Variants in CDH18 observed in about 807,000 individuals in gnomAD.
CDH18 encodes the protein cadherin-18.
A neutral mutation model predicts 67.9 loss-of-function variants in CDH18; 31 were observed. The observed-to-expected ratio is 0.46, with a 90% CI of 0.34 to 0.62. CDH18 has a LOEUF of 0.62. Among genes scored for constraint, CDH18 ranks in the 20% least tolerant of loss-of-function variants. The pLI, the probability that CDH18 is intolerant of heterozygous loss-of-function variation, is 0.01. For synonymous variants in CDH18, 362 were observed against 347.2 expected, an observed-to-expected ratio of 1.04 and a Z score of -0.48; for missense variants, 890 against 975.5, an observed-to-expected ratio of 0.91 and a Z score of 1.17.
intron 2 of CDH18, among the ~76,000 whole-genome samples, chr5:20,053,123 G>T (rs1741579900): frequency 6.6e-6 from 1 of 151,682 alleles, no homozygotes; most frequent in Non-Finnish European, 1.5e-5. Context: ...TCAGATCAGG[G>T]TTTAAGACCC....
At chr5:20,486,918 C>T (rs1258192463) in intron 1 of CDH18, among the ~76,000 whole-genome samples, 2 of 152,116 alleles carry the variant, frequency 1.3e-5, no homozygotes, top group African/African-American at 4.8e-5. Flanking sequence ...GATGTCTCAA[C>T]ATGAAAACTG....
intron 3 of CDH18, among the ~76,000 whole-genome samples, chr5:19,759,860 G>T (rs1372106375): frequency 6.6e-6 from 1 of 152,090 alleles, no homozygotes; most frequent in East Asian, 1.9e-4. Flanking sequence ...CACTCCAGGG[G>T]TTCTGGGTCT....
At chr5:19,938,894 T>G (rs1231828896) in intron 2 of CDH18, among the ~76,000 whole-genome samples, 1 of 151,218 alleles carries the variant, frequency 6.6e-6, no homozygotes, top group Non-Finnish European at 1.5e-5. Flanking sequence ...TAAAATAAGT[T>G]TATAGACAAA....
At chr5:20,570,497 T>G (rs1410740254) in intron 1 of CDH18, among the ~76,000 whole-genome samples, 1 of 152,180 alleles carries the variant, frequency 6.6e-6, no homozygotes, top group Non-Finnish European at 1.5e-5. Context: ...ATGGATAACT[T>G]TTAACCTATG....
rs192459024 is a variant in CDH18 at position 19,578,633 on chromosome 5, A to T, written c.1000-6801T>A. ...TCCTTTTCTTATTTTATTCTCCATT[A>T]TTAGTTACATATTTAATTCATCTAA... On this transcript the variant is annotated intron_variant, in intron 7 of 12. Transcript: ENST00000382275. Among the ~76,000 whole-genome samples, 114 of 151,494 alleles carry T rather than the reference A, an allele frequency of 7.5e-4. 1 individual carries two copies. In the East Asian group the frequency reaches 0.021, roughly 28 times the overall value.
rs1366158037 is a variant in CDH18 at position 19,960,555 on chromosome 5, GTGTGTA to G, written c.-257+20499_-257+20504del. 1.2e-3 allele frequency among the ~76,000 whole-genome samples: 103 copies of G among 83,368 alleles called. 2 individuals are homozygous for G. Among genetic ancestry groups the G allele is most frequent in the African/African-American group, 6.3e-3 (94 of 14,928 alleles). The allele number at this position is 83,368 out of a possible 152,430, so 54.7% of individuals were successfully genotyped here. ...GAGGATGTTTAATATACGTGTGTGT[GTGTGTA>G]TGTGTGTGTGTGTGTGTGTGTGTGT... On this transcript the variant is annotated intron_variant, in intron 2 of 12. Coordinates refer to ENST00000382275, the MANE Select transcript of CDH18 (RefSeq NM_004934.5).
At chr5:20,476,424 T>G (rs1752449132) in intron 1 of CDH18, among the ~76,000 whole-genome samples, 1 of 152,034 alleles carries the variant, frequency 6.6e-6, no homozygotes, top group Admixed American at 6.6e-5. Flanking sequence ...TCTTGAAGAC[T>G]TTTTTTGAAT....
chr5:20,328,270 C>T (rs1330605695), intron 1 of CDH18, among the ~76,000 whole-genome samples: 3 of 152,098 alleles, frequency 2.0e-5, no homozygotes, highest in South Asian at 2.1e-4. Context: ...AGGTATCAAC[C>T]GTATCCAGGT....
intron 11 of CDH18, among the ~76,000 whole-genome samples, chr5:19,493,011 A>G (rs1741717594): frequency 6.6e-6 from 1 of 152,080 alleles, no homozygotes; most frequent in Non-Finnish European, 1.5e-5. Context: ...TTCCCTCTCT[A>G]GATTTTTCCA....
intron 3 of CDH18, among the ~76,000 whole-genome samples, chr5:19,769,608 A>T (rs1773500827): frequency 6.6e-6 from 1 of 152,244 alleles, no homozygotes; most frequent in Non-Finnish European, 1.5e-5. Context: ...AACTGGAAGT[A>T]AATCAAAAGC....
intron 1 of CDH18, among the ~76,000 whole-genome samples, chr5:20,503,902 G>A (rs990293662): frequency 6.6e-6 from 1 of 151,990 alleles, no homozygotes; most frequent in Non-Finnish European, 1.5e-5. Context: ...GCCAGGTGTG[G>A]TGGCAGGCGC....
intron 1 of CDH18, among the ~76,000 whole-genome samples, chr5:20,453,940 T>C (rs1307616006): frequency 6.6e-6 from 1 of 152,122 alleles, no homozygotes; most frequent in Admixed American, 6.6e-5. Flanking sequence ...CGAAGGGAGA[T>C]AAAAATTAAT....
At chr5:19,612,665 C>T (rs1417065105) in intron 5 of CDH18, 64 bp from the exon 6 acceptor site, 14 of 1,183,634 alleles carry the variant, frequency 1.2e-5, no homozygotes, top group Middle Eastern at 3.9e-4. Flanking sequence ...AACAAACATA[C>T]ACATACATAT....
intron 3 of CDH18, among the ~76,000 whole-genome samples, chr5:19,777,659 G>T (rs1372526273): frequency 6.6e-6 from 1 of 152,180 alleles, no homozygotes; most frequent in East Asian, 1.9e-4. Flanking sequence ...GATCAAAGAA[G>T]AAGTAGGTAA....
At chr5:19,620,481 C>A (rs1041996577) in intron 5 of CDH18, among the ~76,000 whole-genome samples, 2 of 151,828 alleles carry the variant, frequency 1.3e-5, no homozygotes, top group African/African-American at 4.8e-5. Context: ...TTGTAACTTG[C>A]AGAGTTTATA....
intron 3 of CDH18, among the ~76,000 whole-genome samples, chr5:19,759,317 C>T (rs1257020765): frequency 3.3e-5 from 5 of 152,154 alleles, no homozygotes; most frequent in African/African-American, 1.2e-4. Context: ...GATGGTGGCA[C>T]TAATGTCTGC....
intron 2 of CDH18, among the ~76,000 whole-genome samples, chr5:19,946,135 G>A (rs540025892): frequency 6.6e-6 from 1 of 152,024 alleles, no homozygotes; most frequent in Non-Finnish European, 1.5e-5. Context: ...TACCTAAAGA[G>A]AATACCAGTT....
chr5:19,759,286 C>T (rs972719896), intron 3 of CDH18, among the ~76,000 whole-genome samples: 5 of 152,140 alleles, frequency 3.3e-5, no homozygotes, highest in African/African-American at 1.2e-4. Context: ...GAATCACCAC[C>T]CTTGCATCTT....
intron 1 of CDH18, among the ~76,000 whole-genome samples, chr5:20,410,119 C>G (rs534192933): frequency 1.8e-4 from 27 of 151,774 alleles, no homozygotes; most frequent in Admixed American, 2.6e-4. Context: ...GGAGTAAACA[C>G]TCATAAGCTA....
Sources: allele counts gnomAD v4.1 joint callset (sites outside exome capture counted in the v4.1 genomes callset), GRCh38; gene constraint gnomAD v4.1.1; transcripts MANE v1.5; gene names NCBI Gene and HGNC (gene_info 2026-07-23, HGNC 2026-07-21).